The following MTERF3 variants were observed in gnomAD, a reference collection of about 807,000 sequenced individuals.
The protein encoded by MTERF3 is mitochondrial transcription termination factor 3.
MTERF3 carries 40 observed loss-of-function variants against 40.5 expected under a neutral mutation model. That is an observed-to-expected ratio of 0.99 (90% CI 0.77 to 1.29). The LOEUF (loss-of-function observed/expected upper bound fraction) is 1.29. Among genes scored for constraint, MTERF3 ranks in the 50% most tolerant of loss-of-function variants. MTERF3 has a pLI of 0.00. For synonymous variants in MTERF3, 158 were observed against 166.6 expected, an observed-to-expected ratio of 0.95 and a Z score of 0.40; for missense variants, 452 against 478.2, an observed-to-expected ratio of 0.95 and a Z score of 0.51.
chr8:96,252,029 TG>T (rs916429735), intron 3 of MTERF3, among the ~76,000 whole-genome samples: 3 of 152,204 alleles, frequency 2.0e-5, no homozygotes, highest in Non-Finnish European at 4.4e-5. Flanking sequence ...TCACGAGATC[TG>T]ATGGTTTTAA....
intron 7 of MTERF3, 88 bp from the exon 8 acceptor site, chr8:96,239,773 T>A: frequency 1.1e-6 from 1 of 891,124 alleles, no homozygotes; most frequent in Non-Finnish European, 1.8e-6. Context: ...TTTAATAGGT[T>A]AACCAATACC....
intron 7 of MTERF3, chr8:96,239,928 A>C: frequency 3.0e-6 from 2 of 662,404 alleles, no homozygotes; most frequent in Non-Finnish European, 5.4e-6. Flanking sequence ...TGTGCAAAGA[A>C]GATTGAGTGC....
rs1563548934 is a variant in MTERF3, at chr8:96,250,662, GAAGAAGAAGAAGAAGAAGA to G, written c.677+225_677+243del. Among the ~76,000 whole-genome samples, 60 of 32,662 alleles carry G rather than the reference GAAGAAGAAGAAGAAGAAGA, an allele frequency of 1.8e-3. 8 individuals carry two copies. The highest frequency in any genetic ancestry group is 5.2e-3 in the African/African-American group (46 of 8,862). 21.4% of individuals were successfully genotyped at this position (32,662 alleles called of 152,430 possible). The stretch of plus-strand genomic sequence containing the variant: ...AGAAGAAGAAGAAGAAGAAGAAGAA[GAAGAAGAAGAAGAAGAAGA>G]AGGAGGAGGAGGAGGGGGGGAGGGG... On this transcript the variant is annotated intron_variant, in intron 4 of 7. Coordinates refer to ENST00000287025, the MANE Select transcript of MTERF3 (RefSeq NM_015942.5).
intron 3 of MTERF3, 129 bp from the exon 4 acceptor site, chr8:96,251,224 G>A: frequency 1.6e-6 from 1 of 637,884 alleles, no homozygotes; most frequent in East Asian, 3.3e-5. Context: ...TAGATCAATA[G>A]AAACTTCTAA....
In MTERF3 at chr8:96,246,348, A is replaced by G; in HGVS notation, c.784T>C (p.Leu262=). Reference sequence around the variant, plus strand: ...TCAAGTTCTTTCTGAAAAAATCCCAATCTGTTATCCAGTCTTTCCACTGAA... The same window carrying G: ...TCAAGTTCTTTCTGAAAAAATCCCAGTCTGTTATCCAGTCTTTCCACTGAA... ...NFSVERLDNR[L]GFFQKELELS... The change falls in exon 5 of 8, where the codon TTG becomes CTG. Residue 262 remains leucine, a synonymous_variant. Transcript: ENST00000287025. The G allele has an allele frequency of 1.2e-6, 2 of 1,610,514 alleles. No homozygotes were observed. Among genetic ancestry groups the G allele is most frequent in the Middle Eastern group, 1.7e-4 (1 of 6,038 alleles).
chr8:96,245,877 C>T lies in MTERF3; in HGVS notation c.880G>A (p.Val294Met), dbSNP rs374487894. 20 of 1,613,828 alleles carry T rather than the reference C, an allele frequency of 1.2e-5. No homozygotes were observed. The highest frequency in any genetic ancestry group is 4.4e-5 in the South Asian group (4 of 91,058). ...TGTCCTACCTTCATATTTTCTTTCA[C>T]GGGTTCCAGACTTCCAGTTAGCAGC... ...PRLLTGSLEP[V>M]KENMKVYRLE... The change falls in exon 6 of 8, where the codon GTG becomes ATG. Residue 294 changes from valine (V) to methionine (M), a missense_variant. Coordinates refer to ENST00000287025, the MANE Select transcript of MTERF3 (RefSeq NM_015942.5).
chr8:96,250,437 G>C lies in MTERF3; in HGVS notation c.677+469C>G, dbSNP rs1294423470. ...ATAAAAATAATAATGGAGCCAGGCA[G>C]GGTGGCTCATGCCTGTAAAATCCCA... On this transcript the variant is annotated intron_variant, in intron 4 of 7. Coordinates refer to ENST00000287025, the MANE Select transcript of MTERF3 (RefSeq NM_015942.5). Among the ~76,000 whole-genome samples the C allele has an allele frequency of 1.4e-5, 2 of 143,802 alleles. 1 individual carries two copies. Among genetic ancestry groups the C allele is most frequent in the Non-Finnish European group, 3.0e-5 (2 of 66,828 alleles). 94.3% of individuals were successfully genotyped at this position (143,802 alleles called of 152,430 possible).
At chr8:96,256,882 G>C (rs1487822482) in intron 3 of MTERF3, 80 bp downstream of exon 3, 4 of 1,321,522 alleles carry the variant, frequency 3.0e-6, no homozygotes, top group Non-Finnish European at 4.1e-6. Flanking sequence ...ACTTAGTATA[G>C]ATTAAATTGT....
At chr8:96,249,759 A>C (rs1051069983) in intron 4 of MTERF3, among the ~76,000 whole-genome samples, 1 of 152,208 alleles carries the variant, frequency 6.6e-6, no homozygotes. Flanking sequence ...ATTATGGGGA[A>C]CTGAGGCAAA....
chr8:96,244,112 A>G, intron 6 of MTERF3, 32 bp from the exon 7 acceptor site: 1 of 1,580,916 alleles, frequency 6.3e-7, no homozygotes, highest in Non-Finnish European at 8.7e-7. Context: ...ATGAATCGTT[A>G]TGTAGAAATA....
chr8:96,251,080 T>G lies in MTERF3; in HGVS notation c.503A>C (p.Lys168Thr), dbSNP rs764623303. 7.0e-6 allele frequency: 11 copies of G among 1,582,150 alleles called. No individual in the cohort carries two copies. The highest frequency in any genetic ancestry group is 9.4e-6 in the Non-Finnish European group (11 of 1,172,334). The part of the protein sequence containing the change: ...KLVLLGVDLS[K>T]IEKHPEAANL... ...TGCTGCTTCTGGATGTTTTTCTATC[T>G]TGGACAAATCCACGCCTATAATAAA... is the stretch of plus-strand genomic sequence containing the variant. The change falls in exon 4 of 8, where the codon AAG (lysine) becomes ACG (threonine). Residue 168 changes from lysine to threonine, a missense_variant. Lys to Thr is a moderately conservative substitution (Grantham distance 78). Transcript: ENST00000287025.
At chr8:96,250,055 C>T (rs1333677078) in intron 4 of MTERF3, among the ~76,000 whole-genome samples, 1 of 152,076 alleles carries the variant, frequency 6.6e-6, no homozygotes, top group African/African-American at 2.4e-5. Context: ...TCTTACCTCA[C>T]AGATCAATAT....
chr8:96,244,219 C>T (rs561889115), intron 6 of MTERF3, 139 bp from the exon 7 acceptor site: 1 of 634,546 alleles, frequency 1.6e-6, no homozygotes. Context: ...GCATGATCTC[C>T]TGCCTCAGTC....
chr8:96,253,770 C>A (rs1462074081), intron 3 of MTERF3, among the ~76,000 whole-genome samples: 1 of 151,510 alleles, frequency 6.6e-6, no homozygotes, highest in East Asian at 1.9e-4. Flanking sequence ...CTTTGGAAAG[C>A]CGAGGTGGGA....
At chr8:96,250,675 A>G (rs949024857) in intron 4 of MTERF3, among the ~76,000 whole-genome samples, 819 of 31,268 alleles carry the variant, frequency 0.026, 156 homozygotes, top group African/African-American at 0.16. Flanking sequence ...GAAGAAGAAG[A>G]AGAAGAAGGA....
intron 7 of MTERF3, chr8:96,239,954 G>C: frequency 1.6e-6 from 1 of 609,062 alleles, no homozygotes; most frequent in South Asian, 2.0e-5. Flanking sequence ...AGACAGAGGA[G>C]AATGTGTTAA....
At chr8:96,250,346 G>GA (rs1367859248) in intron 4 of MTERF3, among the ~76,000 whole-genome samples, 3 of 139,588 alleles carry the variant, frequency 2.1e-5, no homozygotes, top group Non-Finnish European at 4.8e-5. Flanking sequence ...TTTTTTTTAA[G>GA]AAAAAAACGT....
At chr8:96,246,501 T>G in intron 4 of MTERF3, 47 bp from the exon 5 acceptor site, 1 of 1,489,106 alleles carries the variant, frequency 6.7e-7, no homozygotes, top group Non-Finnish European at 9.0e-7. Flanking sequence ...CTTACATTCT[T>G]TTTTTTTGAG....
chr8:96,250,577 G>A (rs1210775154), intron 4 of MTERF3, among the ~76,000 whole-genome samples: 1 of 138,684 alleles, frequency 7.2e-6, no homozygotes, highest in Admixed American at 7.7e-5. Context: ...CAGGCATGGT[G>A]GCCACCTGTA....
Sources: gnomAD v4.1 joint callset for allele counts (sites outside exome capture counted in the v4.1 genomes callset) on GRCh38, gnomAD v4.1.1 for gene constraint, MANE v1.5 for transcripts, NCBI Gene and HGNC (gene_info 2026-07-23, HGNC 2026-07-21) for gene names.